Variants in DISC1 observed in about 807,000 individuals in gnomAD.
DISC1 encodes DISC1 scaffold protein.
A neutral mutation model predicts 84.5 loss-of-function variants in DISC1; 57 were observed. The observed-to-expected ratio is 0.67, with a 90% CI of 0.55 to 0.84. DISC1 has a LOEUF of 0.84. Ranked by LOEUF, DISC1 falls within the 40% of genes least tolerant of loss-of-function variation. DISC1 has a pLI of 0.00. For synonymous variants in DISC1, 411 were observed against 415.2 expected (o/e 0.99, Z 0.12); for missense variants, 1,000 against 1,057.8 (o/e 0.95, Z 0.76).
intron 1 of DISC1, among the ~76,000 whole-genome samples, chr1:231,655,436 T>C (rs1030271163): frequency 6.6e-6 from 1 of 152,244 alleles, no homozygotes; most frequent in African/African-American, 2.4e-5. Flanking sequence ...TTTCATTCTT[T>C]TTTATGGCTA....
chr1:231,833,100 G>A (rs528137246), intron 9 of DISC1, among the ~76,000 whole-genome samples: 18 of 150,190 alleles, frequency 1.2e-4, no homozygotes, highest in African/African-American at 4.5e-4. Flanking sequence ...CTTTGGATTG[G>A]GAAGAAGGGC....
At chr1:231,945,777 G>A (rs1036223225) in intron 9 of DISC1, among the ~76,000 whole-genome samples, 1 of 151,938 alleles carries the variant, frequency 6.6e-6, no homozygotes, top group African/African-American at 2.4e-5. Context: ...ATGATAAAGG[G>A]GATATCACCA....
chr1:232,038,780 C>G lies in DISC1; in HGVS notation c.*1949C>G, dbSNP rs1197769281. The G allele has an allele frequency of 6.6e-6, 1 of 152,134 alleles. No individual in the cohort carries two copies. Among genetic ancestry groups the G allele is most frequent in the East Asian group, 1.9e-4 (1 of 5,184 alleles). 9.4% of individuals were successfully genotyped at this position (152,134 alleles called of 1,614,324 possible). ...TGGTTGTTCTGTTTGTGCTTCTGTT[C>G]TCATTTATGTGTTTAGGGATAGTGA... On this transcript the variant is annotated 3_prime_UTR_variant, in exon 13 of 13. Coordinates refer to ENST00000439617, the MANE Select transcript of DISC1 (RefSeq NM_018662.3).
At chr1:231,699,064 TG>T (rs1164766796) in intron 2 of DISC1, among the ~76,000 whole-genome samples, 2 of 152,178 alleles carry the variant, frequency 1.3e-5, no homozygotes, top group Non-Finnish European at 2.9e-5. Context: ...CAGAGATTTT[TG>T]GGGGGCAAGA....
chr1:231,800,048 C>A, intron 7 of DISC1, 60 bp from the exon 8 acceptor site: 1 of 1,315,792 alleles, frequency 7.6e-7, no homozygotes, highest in Non-Finnish European at 1.1e-6. Flanking sequence ...CTGGCTGTTC[C>A]ACTGCCTTCT....
At chr1:231,704,622 T>C (rs2066805050) in intron 3 of DISC1, among the ~76,000 whole-genome samples, 1 of 151,180 alleles carries the variant, frequency 6.6e-6, no homozygotes, top group Non-Finnish European at 1.5e-5. Context: ...TAGCCGGGCG[T>C]GGTGGCAGGC....
intron 9 of DISC1, among the ~76,000 whole-genome samples, chr1:231,873,005 G>A (rs940895155): frequency 3.1e-4 from 47 of 152,160 alleles, no homozygotes; most frequent in Middle Eastern, 3.2e-3. Context: ...CCAGGCATCC[G>A]TCAGGAGTTT....
chr1:231,688,085 A>G (rs1388165035), intron 1 of DISC1, among the ~76,000 whole-genome samples: 1 of 152,154 alleles, frequency 6.6e-6, no homozygotes, highest in South Asian at 2.1e-4. Context: ...CAAAGTAAGG[A>G]TTAATTAGAT....
chr1:231,984,940 A>C (rs1236970190), intron 10 of DISC1, among the ~76,000 whole-genome samples: 1 of 152,134 alleles, frequency 6.6e-6, no homozygotes, highest in Middle Eastern at 3.2e-3. Context: ...TAGAGTACCT[A>C]ATTCTGGCCT....
In DISC1 at chr1:232,030,168, G is replaced by A. The variant is rs893455616; in HGVS notation, c.2425+3616G>A. 5.3e-5 allele frequency among the ~76,000 whole-genome samples: 8 copies of A among 152,284 alleles called. No individual in the cohort carries two copies. The South Asian group carries it at 6.2e-4, about 12-fold the overall frequency. On this transcript the variant is annotated intron_variant, in intron 12 of 12. Coordinates refer to ENST00000439617, the MANE Select transcript of DISC1 (RefSeq NM_018662.3). Reference sequence around the variant, plus strand: ...GTGTGACTTCACGGCCAGTCAAGTCGGGACTTCCAGGAGCATTAGTGTGAG... The same window carrying A: ...GTGTGACTTCACGGCCAGTCAAGTCAGGACTTCCAGGAGCATTAGTGTGAG...
intron 3 of DISC1, among the ~76,000 whole-genome samples, chr1:231,734,612 A>G (rs1343256004): frequency 3.9e-5 from 6 of 152,214 alleles, no homozygotes; most frequent in African/African-American, 1.4e-4. Flanking sequence ...GTCATTCACA[A>G]CTTAACTGGT....
At chr1:231,845,760 G>T (rs994195895) in intron 9 of DISC1, among the ~76,000 whole-genome samples, 5 of 152,110 alleles carry the variant, frequency 3.3e-5, no homozygotes, top group Admixed American at 1.3e-4. Context: ...GTTGAGGGGT[G>T]GGTGGCTGGA....
chr1:231,747,145 G>A (rs2812381), intron 3 of DISC1, among the ~76,000 whole-genome samples: 99,454 of 151,918 alleles, frequency 0.65, 34,686 homozygotes, highest in Non-Finnish European at 0.78. Context: ...TTCCCAGGCT[G>A]GTCTTAAACT....
At chr1:231,691,139 CAG>C (rs1039810850) in intron 1 of DISC1, among the ~76,000 whole-genome samples, 6 of 152,230 alleles carry the variant, frequency 3.9e-5, no homozygotes, top group Non-Finnish European at 7.4e-5. Flanking sequence ...AAAGGCTACT[CAG>C]GGGCTGGGCG....
At chr1:231,760,013 G>A (rs1250666683) in intron 4 of DISC1, among the ~76,000 whole-genome samples, 1 of 152,140 alleles carries the variant, frequency 6.6e-6, no homozygotes, top group Non-Finnish European at 1.5e-5. Context: ...TCTGTCCTGA[G>A]GCCAGTGGCA....
intron 10 of DISC1, among the ~76,000 whole-genome samples, chr1:231,980,756 G>C (rs958371703): frequency 3.3e-5 from 5 of 152,170 alleles, no homozygotes; most frequent in Admixed American, 2.6e-4. Context: ...GCTTTGAACT[G>C]ATGGGGACTG....
At chr1:232,028,732 CTTAGTATA>C (rs1297981779) in intron 12 of DISC1, among the ~76,000 whole-genome samples, 2 of 152,124 alleles carry the variant, frequency 1.3e-5, no homozygotes, top group Non-Finnish European at 2.9e-5. Context: ...TCTCACAGTT[CTTAGTATA>C]TTAGTCACAA....
intron 3 of DISC1, among the ~76,000 whole-genome samples, chr1:231,710,704 C>T (rs992541175): frequency 6.6e-6 from 1 of 152,190 alleles, no homozygotes; most frequent in East Asian, 1.9e-4. Flanking sequence ...AGTCTTCCCT[C>T]TGTATGCATT....
chr1:231,665,565 T>TA (rs1251663996), intron 1 of DISC1, among the ~76,000 whole-genome samples: 1 of 152,230 alleles, frequency 6.6e-6, no homozygotes, highest in African/African-American at 2.4e-5. Context: ...GTAGTGTAAA[T>TA]ACATTTTCTC....
Sources: allele counts gnomAD v4.1 joint callset (sites outside exome capture counted in the v4.1 genomes callset), GRCh38; gene constraint gnomAD v4.1.1; transcripts MANE v1.5; gene names NCBI Gene and HGNC (gene_info 2026-07-23, HGNC 2026-07-21).